The following FLVCR2 variants were observed in gnomAD, a reference collection of about 807,000 sequenced individuals.
FLVCR2 encodes FLVCR choline and putative heme transporter 2.
FLVCR2 carries 38 observed loss-of-function variants against 48.9 expected under a neutral mutation model. The ratio of observed to expected loss-of-function variants is 0.78; its 90% CI spans 0.60 to 1.02. The LOEUF (loss-of-function observed/expected upper bound fraction) is 1.02, where lower values mean the gene tolerates loss of function less well. FLVCR2 is among the 50% of genes least tolerant of loss of function. FLVCR2 has a pLI of 0.00. For synonymous variants in FLVCR2, 255 were observed against 257.0 expected, an observed-to-expected ratio of 0.99 and a Z score of 0.07; for missense variants, 664 against 663.3, an observed-to-expected ratio of 1.00 and a Z score of -0.01.
At chr14:75,616,486 CATAT>C (rs1184920174) in intron 1 of FLVCR2, among the ~76,000 whole-genome samples, 3 of 152,048 alleles carry the variant, frequency 2.0e-5, no homozygotes, top group African/African-American at 4.8e-5. Flanking sequence ...GGGATACATA[CATAT>C]ATATATTTTT....
intron 1 of FLVCR2, among the ~76,000 whole-genome samples, chr14:75,583,964 C>A (rs1888674271): frequency 6.6e-6 from 1 of 152,160 alleles, no homozygotes; most frequent in South Asian, 2.1e-4. Context: ...CCGAGGAGAT[C>A]TGGGAAGGAG....
At chr14:75,591,600 G>A (rs1279654062) in intron 1 of FLVCR2, among the ~76,000 whole-genome samples, 4 of 152,214 alleles carry the variant, frequency 2.6e-5, no homozygotes, top group African/African-American at 9.7e-5. Flanking sequence ...CATGCTGCCA[G>A]TGACTTTAGC....
chr14:75,632,860 T>C (rs1425486093), intron 3 of FLVCR2: 1 of 702,246 alleles, frequency 1.4e-6, no homozygotes, highest in Non-Finnish European at 2.6e-6. Flanking sequence ...TCTAGAGTTG[T>C]CATAAAGTGT....
At chr14:75,628,893 C>T (rs944373025) in intron 3 of FLVCR2, among the ~76,000 whole-genome samples, 20 of 152,238 alleles carry the variant, frequency 1.3e-4, no homozygotes, top group African/African-American at 4.3e-4. Context: ...CTCCAGACTG[C>T]CAGTCTGCCA....
chr14:75,642,244 C>A (rs1396690161), intron 9 of FLVCR2, among the ~76,000 whole-genome samples: 2 of 152,182 alleles, frequency 1.3e-5, no homozygotes, highest in African/African-American at 4.8e-5. Context: ...CCACTGTTTT[C>A]AGCCTGGGGT....
chr14:75,633,545 A>G, intron 3 of FLVCR2, 84 bp from the exon 4 acceptor site: 2 of 1,069,048 alleles, frequency 1.9e-6, no homozygotes, highest in South Asian at 2.5e-5. Flanking sequence ...ATTTCTGCCC[A>G]CCCCCCAAAT....
At chr14:75,629,192 C>T (rs190732103) in intron 3 of FLVCR2, among the ~76,000 whole-genome samples, 385 of 152,252 alleles carry the variant, frequency 2.5e-3, no homozygotes, top group African/African-American at 8.9e-3. Context: ...AAATAAAGAC[C>T]ATCCAGTTAA....
At chr14:75,636,811 G>A (rs1432321758) in intron 5 of FLVCR2, among the ~76,000 whole-genome samples, 2 of 151,954 alleles carry the variant, frequency 1.3e-5, no homozygotes, top group East Asian at 3.8e-4. Flanking sequence ...GAAATTGGGT[G>A]GTGAGGTCTG....
chr14:75,616,045 A>AAAAAAAAAAG (rs1889607245), intron 1 of FLVCR2, among the ~76,000 whole-genome samples: 1 of 145,574 alleles, frequency 6.9e-6, no homozygotes, highest in Non-Finnish European at 1.5e-5. Flanking sequence ...AAAAAAAAAA[A>AAAAAAAAAAG]AAATAGCGTA....
At chr14:75,617,069 G>A (rs990503801) in intron 1 of FLVCR2, among the ~76,000 whole-genome samples, 1 of 152,176 alleles carries the variant, frequency 6.6e-6, no homozygotes, top group African/African-American at 2.4e-5. Context: ...TGGTGGGTGG[G>A]GACAGTGGAT....
At chr14:75,632,912 A>G (rs778252539) in intron 3 of FLVCR2, 1 of 702,366 alleles carries the variant, frequency 1.4e-6, no homozygotes, top group South Asian at 1.5e-5. Context: ...CATCATCATC[A>G]TCACCATTGA....
intron 1 of FLVCR2, among the ~76,000 whole-genome samples, chr14:75,586,355 G>A (rs950517361): frequency 2.6e-5 from 4 of 152,098 alleles, no homozygotes; most frequent in Non-Finnish European, 5.9e-5. Flanking sequence ...TTAGGGTGGG[G>A]CAGAAACAAA....
intron 3 of FLVCR2, chr14:75,631,970 TGCTCACTGTGTGCACAGTTG>T (rs1890052903): frequency 2.4e-6 from 1 of 410,458 alleles, no homozygotes; most frequent in Non-Finnish European, 4.9e-6. Context: ...CTCACTGTGC[TGCTCACTGTGTGCACAGTTG>T]GCCCACTGTG....
At chr14:75,605,645 C>G (rs971683809) in intron 1 of FLVCR2, 6 of 1,535,276 alleles carry the variant, frequency 3.9e-6, no homozygotes, top group Non-Finnish European at 5.2e-6. Context: ...ATCTTACTTC[C>G]TTCCCAACTT....
intron 1 of FLVCR2, among the ~76,000 whole-genome samples, chr14:75,607,900 C>CT (rs969564131): frequency 1.8e-4 from 27 of 152,186 alleles, no homozygotes; most frequent in African/African-American, 6.3e-4. Flanking sequence ...TAGTGAGACT[C>CT]TATCTCTACA....
At chr14:75,592,106 C>G (rs1462812425) in intron 1 of FLVCR2, among the ~76,000 whole-genome samples, 1 of 152,090 alleles carries the variant, frequency 6.6e-6, no homozygotes, top group Non-Finnish European at 1.5e-5. Flanking sequence ...GTTGGGATTT[C>G]AAGCATGAGC....
intron 1 of FLVCR2, among the ~76,000 whole-genome samples, chr14:75,607,165 T>C (rs1053784675): frequency 4.6e-5 from 7 of 152,156 alleles, no homozygotes; most frequent in African/African-American, 1.7e-4. Context: ...TCAGCTTTTT[T>C]TTCTATAGCA....
intron 3 of FLVCR2, among the ~76,000 whole-genome samples, chr14:75,629,047 T>G (rs1889974221): frequency 6.6e-6 from 1 of 152,140 alleles, no homozygotes; most frequent in Non-Finnish European, 1.5e-5. Flanking sequence ...CAAGTGGTTC[T>G]CCCAGCTGAT....
At position 75,578,972 on chromosome 14, in the gene FLVCR2, G is replaced by C; in HGVS notation, c.-1G>C. On this transcript the variant is annotated 5_prime_UTR_variant, in exon 1 of 10. Transcript: ENST00000238667. ...CCAGGATTCCAGAGGAGACTGTGGC[G>C]ATGGTGAATGAAGGTCCCAACCAGG... 4 of 1,614,068 alleles carry C rather than the reference G, an allele frequency of 2.5e-6. No individual in the cohort carries two copies. Among genetic ancestry groups the C allele is most frequent in the Non-Finnish European group, 3.4e-6 (4 of 1,179,948 alleles).
Sources: gnomAD v4.1 joint callset for allele counts (sites outside exome capture counted in the v4.1 genomes callset) on GRCh38, gnomAD v4.1.1 for gene constraint, MANE v1.5 for transcripts, NCBI Gene and HGNC (gene_info 2026-07-23, HGNC 2026-07-21) for gene names.